Variants in ABCA6 observed in about 807,000 individuals in gnomAD.
ABCA6 encodes the protein ATP-binding cassette sub-family A member 6.
Under a neutral mutation model 191.2 loss-of-function variants are expected in ABCA6, and 164 were observed. The observed-to-expected ratio is 0.86, with a 90% confidence interval of 0.76 to 0.98. The LOEUF (loss-of-function observed/expected upper bound fraction) is 0.98, where lower values mean the gene tolerates loss of function less well. Among genes scored for constraint, ABCA6 ranks in the 50% least tolerant of loss-of-function variants. The pLI is 0.00. For missense variants in ABCA6, 1,958 were observed against 1,894.1 expected, an observed-to-expected ratio of 1.03 and a Z score of -0.63; for synonymous variants, 636 against 647.7, an observed-to-expected ratio of 0.98 and a Z score of 0.27.
chr17:69,107,544 A>G, intron 18 of ABCA6, 152 bp downstream of exon 18: 1 of 623,976 alleles, frequency 1.6e-6, no homozygotes, highest in East Asian at 2.8e-5. Flanking sequence ...AATGACGCTA[A>G]GAAATAATGA....
Position 69,082,939 on chromosome 17 carries a change from G to A in ABCA6, c.4550C>T (p.Thr1517Met), listed in dbSNP as rs377673526. 24 of 1,614,064 alleles carry A rather than the reference G, an allele frequency of 1.5e-5. No homozygotes were observed. In the East Asian group the frequency reaches 2.0e-4, roughly 13 times the overall value. Residue 1517 changes from threonine to methionine, a missense_variant, in exon 36 of 39, where the codon ACG becomes ATG. Thr to Met is a moderately conservative substitution (Grantham distance 81). Coordinates refer to ENST00000284425, the MANE Select transcript of ABCA6 (RefSeq NM_080284.3). ...AGTGTGGACCAAAGTCACTTGAGAC[G>A]TTTCCTTCACTTTTAGCTCTAGAAT... ...DYILELKVKETSQVTLVHTEI... is the reference protein window; with the variant it reads ...DYILELKVKEMSQVTLVHTEI...
intron 27 of ABCA6, among the ~76,000 whole-genome samples, chr17:69,089,264 A>G (rs1355018676): frequency 1.3e-5 from 2 of 152,236 alleles, no homozygotes; most frequent in African/African-American, 2.4e-5. Flanking sequence ...AATTAATTTA[A>G]TATTAACTTT....
intron 10 of ABCA6, among the ~76,000 whole-genome samples, chr17:69,119,452 C>A (rs2073597864): frequency 6.6e-6 from 1 of 152,006 alleles, no homozygotes. Flanking sequence ...AGTTCCTTTC[C>A]CTACTTTCAG....
Position 69,137,378 on chromosome 17 carries a change from A to G in ABCA6, c.219T>C (p.Ser73=), listed in dbSNP as rs971661055. ...NLGRVDKFNS[S]SLMVVYTPIS... ...TTGGTGTATACACAACCATTAAAGA[A>G]GAGCTATTAAATTTATCTACCCTTC... The change falls in exon 3 of 39, where the codon TCT becomes TCC. Residue 73 remains serine (S), a synonymous_variant. Coordinates refer to ENST00000284425, the MANE Select transcript of ABCA6 (RefSeq NM_080284.3). 13 of 1,613,696 alleles carry G rather than the reference A, an allele frequency of 8.1e-6. No individual in the cohort carries two copies. The South Asian group carries it at 9.9e-5, about 12-fold the overall frequency.
In ABCA6 at chr17:69,096,764, T is replaced by C. The variant is rs140419765; in HGVS notation, c.3158A>G (p.Tyr1053Cys). The part of the protein sequence containing the change: ...AKSQLWISGL[Y>C]TSAYWCGQAL... ...CTGCCCACACCAGTAAGCAGAAGTGTAGAGGCCTGAAATCCATAGCTGGGA... is the reference window on the plus strand; with the variant it reads ...CTGCCCACACCAGTAAGCAGAAGTGCAGAGGCCTGAAATCCATAGCTGGGA... Residue 1053 changes from tyrosine (Y) to cysteine (C), a missense_variant, in exon 24 of 39, where the codon TAC becomes TGC. Transcript: ENST00000284425. 3.0e-5 allele frequency: 47 copies of C among 1,558,062 alleles called. No individual in the cohort carries two copies. The African/African-American group carries it at 6.0e-4, about 20-fold the overall frequency.
At chr17:69,136,372 T>A in intron 3 of ABCA6, 122 bp from the exon 4 acceptor site, 1 of 852,768 alleles carries the variant, frequency 1.2e-6, no homozygotes, top group Non-Finnish European at 1.7e-6. Context: ...ATTTTCCATT[T>A]AAATCAATTT....
In ABCA6 at chr17:69,085,098, T is replaced by A. The variant is rs142075639; in HGVS notation, c.4114A>T (p.Arg1372Trp). Residue 1372 changes from arginine (R) to tryptophan (W), a missense_variant, in exon 32 of 39, where the codon AGG becomes TGG. Transcript: ENST00000284425. ...ENVLWPMLTL[R>W]EHLEVYAAVK... is the part of the protein sequence containing the mutation. ...GCAGCATACACCTCCAGGTGTTCCC[T>A]CAACGTCAGCATGGGCCACAGCACG... The A allele has an allele frequency of 6.2e-7, 1 of 1,613,484 alleles. No individual in the cohort carries two copies. The highest frequency in any genetic ancestry group is 8.5e-7 in the Non-Finnish European group (1 of 1,179,832).
At chr17:69,112,533 A>G (rs1264359906) in intron 15 of ABCA6, 1 of 343,790 alleles carries the variant, frequency 2.9e-6, no homozygotes, top group Non-Finnish European at 5.3e-6. Flanking sequence ...GTCTATTATC[A>G]TAAGTGAAAC....
At position 69,096,522 on chromosome 17, in the gene ABCA6, T is replaced by C. The variant is rs151263450; in HGVS notation, c.3294+106A>G. 778 of 1,008,996 alleles carry C rather than the reference T, an allele frequency of 7.7e-4. 8 individuals carry two copies. The African/African-American group carries it at 0.012, about 15-fold the overall frequency. 62.5% of individuals were successfully genotyped at this position (1,008,996 alleles called of 1,614,324 possible). On this transcript the variant is annotated intron_variant, in intron 24 of 38. Coordinates refer to ENST00000284425, the MANE Select transcript of ABCA6 (RefSeq NM_080284.3). ...GCACTTTGCATGTTTTTTGTTTTGG[T>C]TTATTACAAAATATGAATTAAAACA...
At chr17:69,093,642 G>C (rs2144629560) in intron 25 of ABCA6, among the ~76,000 whole-genome samples, 1 of 152,224 alleles carries the variant, frequency 6.6e-6, no homozygotes, top group East Asian at 1.9e-4. Context: ...TGTCTGCTGA[G>C]CCGATATACA....
At position 69,078,820 on chromosome 17, in the gene ABCA6, A is replaced by C; in HGVS notation, c.*153T>G. ...GCTATCACCCCTATGTTTGAGAGGA[A>C]GAATAATTTTAAAATTTATGTATTT... On this transcript the variant is annotated 3_prime_UTR_variant, in exon 39 of 39. Transcript: ENST00000284425. 1 of 501,226 alleles carries C rather than the reference A, an allele frequency of 2.0e-6. No homozygotes were observed. The highest frequency in any genetic ancestry group is 3.4e-6 in the Non-Finnish European group (1 of 294,080). 31.0% of individuals were successfully genotyped at this position (501,226 alleles called of 1,614,324 possible). A position where few individuals can be genotyped will look rare whatever the true frequency, so the allele number is the denominator to read the frequency against.
intron 35 of ABCA6, 51 bp downstream of exon 35, chr17:69,083,161 A>T: frequency 6.4e-7 from 1 of 1,562,248 alleles, no homozygotes; most frequent in Non-Finnish European, 8.6e-7. Flanking sequence ...TGCCCTTTCC[A>T]TGGGAAATCT....
Position 69,137,487 on chromosome 17 carries a change from G to T in ABCA6, c.110C>A (p.Ser37Ter), listed in dbSNP as rs767541055. 1.2e-6 allele frequency: 2 copies of T among 1,612,654 alleles called. No homozygotes were observed. The highest frequency in any genetic ancestry group is 2.2e-5 in the South Asian group (2 of 90,750). Residue 37 changes from serine to a stop codon, truncating the protein, a stop_gained, in exon 3 of 39, where the codon TCA (serine) becomes TAA (stop). Transcript: ENST00000284425. LOFTEE classifies it high-confidence loss of function. The stretch of plus-strand genomic sequence containing the variant: ...AGCAATACACAGTCCTAGAAGTATT[G>T]AGAGGCCCCATTCCTGTAATGCATA... ...KRESLLEWGL[S>*]ILLGLCIALF...
chr17:69,085,323 A>G (rs2072754838), intron 31 of ABCA6, 141 bp from the exon 32 acceptor site: 1 of 848,122 alleles, frequency 1.2e-6, no homozygotes, highest in African/African-American at 1.8e-5. Flanking sequence ...TATTTATTAC[A>G]GAAAATGATT....
At chr17:69,120,784 G>A (rs1043813079) in intron 10 of ABCA6, among the ~76,000 whole-genome samples, 31 of 152,142 alleles carry the variant, frequency 2.0e-4, no homozygotes, top group Middle Eastern at 3.4e-3. Context: ...TGTGTTCTGG[G>A]AATATTGCCT....
At position 69,115,177 on chromosome 17, in the gene ABCA6, C is replaced by G. The variant is rs185134719; in HGVS notation, c.1606+199G>C. Among the ~76,000 whole-genome samples, 273 of 152,110 alleles carry G rather than the reference C, an allele frequency of 1.8e-3. 2 individuals carry two copies. The highest frequency in any genetic ancestry group is 6.2e-3 in the African/African-American group (258 of 41,514). The stretch of plus-strand genomic sequence containing the variant: ...ACTGCACATCTACCCTGAAATATCA[C>G]ACAATGGAATAAAGATAATAATTTT... On this transcript the variant is annotated intron_variant, in intron 12 of 38. Coordinates refer to ENST00000284425, the MANE Select transcript of ABCA6 (RefSeq NM_080284.3).
chr17:69,133,424 T>C (rs905559041), intron 6 of ABCA6, among the ~76,000 whole-genome samples: 1 of 152,240 alleles, frequency 6.6e-6, no homozygotes, highest in Non-Finnish European at 1.5e-5. Flanking sequence ...TGTATCAGTG[T>C]TGGCTTAAGA....
intron 6 of ABCA6, among the ~76,000 whole-genome samples, chr17:69,130,394 G>A (rs963013583): frequency 2.0e-5 from 3 of 151,916 alleles, no homozygotes; most frequent in Non-Finnish European, 4.4e-5. Flanking sequence ...TGGTACCTAC[G>A]TGTTAGGCAA....
rs2144657428 is a variant in ABCA6, at chr17:69,105,628, T to G, written c.2574A>C (p.Leu858=). 1 of 1,467,106 alleles carries G rather than the reference T, an allele frequency of 6.8e-7. No individual in the cohort carries two copies. Among genetic ancestry groups the G allele is most frequent in the Middle Eastern group, 2.4e-4 (1 of 4,086 alleles). 90.9% of individuals were successfully genotyped at this position (1,467,106 alleles called of 1,614,324 possible). Residue 858 remains leucine, a splice_region_variant and synonymous_variant, in exon 20 of 39, where the codon CTA becomes CTC. Transcript: ENST00000284425. ...ATATTGCGATTCCAAATACCAATAATCTAAACAATAAAGAAAAATTAGCAT... is the reference window on the plus strand; with the variant it reads ...ATATTGCGATTCCAAATACCAATAAGCTAAACAATAAAGAAAAATTAGCAT... ...LKRQTKVLLT[L]LLVFGIAIFP...
Sources: gnomAD v4.1 joint callset for allele counts (sites outside exome capture counted in the v4.1 genomes callset) on GRCh38, gnomAD v4.1.1 for gene constraint, MANE v1.5 for transcripts, NCBI Gene and HGNC (gene_info 2026-07-23, HGNC 2026-07-21) for gene names.